The following CADPS variants were observed in gnomAD, a reference collection of about 807,000 sequenced individuals.
The protein encoded by CADPS is calcium dependent secretion activator, also known as calcium-dependent secretion activator 1.
CADPS carries 57 observed loss-of-function variants against 167.3 expected under a neutral mutation model. The ratio of observed to expected loss-of-function variants is 0.34; its 90% CI spans 0.28 to 0.42. The LOEUF is 0.42. CADPS is among the 20% of genes least tolerant of loss of function. CADPS has a pLI of 1.00. For synonymous variants in CADPS, 676 were observed against 635.3 expected (o/e 1.06, Z -0.96); for missense variants, 1,414 against 1,738.1 (o/e 0.81, Z 3.32).
intron 2 of CADPS, among the ~76,000 whole-genome samples, chr3:62,758,668 G>A (rs187733387): frequency 6.6e-6 from 1 of 152,276 alleles, no homozygotes; most frequent in African/African-American, 2.4e-5. Flanking sequence ...TTAACCCCAA[G>A]CCCAGTTCTA....
intron 1 of CADPS, among the ~76,000 whole-genome samples, chr3:62,821,604 G>A (rs967476697): frequency 6.6e-6 from 1 of 152,056 alleles, no homozygotes; most frequent in Non-Finnish European, 1.5e-5. Context: ...TTCTGTGTCT[G>A]TGTCAAAATT....
At chr3:62,577,776 G>T (rs1245754047) in intron 8 of CADPS, among the ~76,000 whole-genome samples, 1 of 152,178 alleles carries the variant, frequency 6.6e-6, no homozygotes, top group African/African-American at 2.4e-5. Context: ...GTCCAGAGGG[G>T]TTAAGAAACT....
chr3:62,722,759 A>C (rs992697773), intron 3 of CADPS, among the ~76,000 whole-genome samples: 1 of 152,196 alleles, frequency 6.6e-6, no homozygotes, highest in Non-Finnish European at 1.5e-5. Context: ...TCCAGCGTAT[A>C]GTTTCTCGAC....
chr3:62,495,471 T>C (rs2064556316), intron 18 of CADPS, among the ~76,000 whole-genome samples: 1 of 152,202 alleles, frequency 6.6e-6, no homozygotes, highest in Middle Eastern at 3.2e-3. Flanking sequence ...TTGAGCTAAC[T>C]CACAATGTTC....
chr3:62,621,258 G>C (rs1379939437), intron 6 of CADPS, among the ~76,000 whole-genome samples: 1 of 152,100 alleles, frequency 6.6e-6, no homozygotes, highest in East Asian at 1.9e-4. Flanking sequence ...AAGTACGGAG[G>C]ATGGGGGAGA....
intron 9 of CADPS, among the ~76,000 whole-genome samples, chr3:62,563,629 T>G (rs1464901315): frequency 6.6e-6 from 1 of 152,200 alleles, no homozygotes; most frequent in Non-Finnish European, 1.5e-5. Flanking sequence ...GAGATTTTGG[T>G]GAACCCATCT....
intron 7 of CADPS, among the ~76,000 whole-genome samples, chr3:62,590,336 A>T (rs1259678846): frequency 2.6e-5 from 4 of 152,164 alleles, no homozygotes; most frequent in Non-Finnish European, 5.9e-5. Flanking sequence ...GTGATTCTTA[A>T]CATCTGCCTT....
At chr3:62,435,490 T>C (rs927628788) in intron 28 of CADPS, among the ~76,000 whole-genome samples, 1 of 152,178 alleles carries the variant, frequency 6.6e-6, no homozygotes, top group African/African-American at 2.4e-5. Context: ...TTCGAGAAGC[T>C]CTGGGTTTTT....
rs150525596 is a variant in CADPS at position 62,753,707 on chromosome 3, G to A, written c.622C>T (p.Arg208Trp). 5 of 1,613,926 alleles carry A rather than the reference G, an allele frequency of 3.1e-6. No individual in the cohort carries two copies. The highest frequency in any genetic ancestry group is 2.2e-5 in the East Asian group (1 of 44,888). Reference sequence around the variant, plus strand: ...TCAATGTGCTTCTTGAAGACCTCCCGGGAGTCGTTGGCGGAACAGCCTCCA... The same window carrying A: ...TCAATGTGCTTCTTGAAGACCTCCCAGGAGTCGTTGGCGGAACAGCCTCCA... ...QSGGCSANDS[R>W]EVFKKHIEKR... is the part of the protein sequence containing the mutation. The change falls in exon 3 of 30, where the codon CGG becomes TGG. Residue 208 changes from arginine (R) to tryptophan (W), a missense_variant. Around this residue, in one of 6 missense-constraint regions of CADPS, gnomAD observed 522 missense variants for 559.5 expected, o/e 0.93. Coordinates refer to ENST00000383710, the MANE Select transcript of CADPS (RefSeq NM_003716.4). The surrounding 1 kb of genome is among the most constrained non-coding windows in gnomAD (Gnocchi z 4.6).
chr3:62,701,621 A>AAG (rs1491034561), intron 3 of CADPS, among the ~76,000 whole-genome samples: 1 of 131,934 alleles, frequency 7.6e-6, no homozygotes. Context: ...AAAAAAAAAA[A>AAG]AGAAAGAAAG....
intron 5 of CADPS, among the ~76,000 whole-genome samples, chr3:62,647,624 T>C (rs1237339657): frequency 6.6e-6 from 1 of 152,192 alleles, no homozygotes; most frequent in Non-Finnish European, 1.5e-5. Context: ...CCCGTGGCTG[T>C]TGTGTGAGGA....
intron 3 of CADPS, among the ~76,000 whole-genome samples, chr3:62,685,681 T>C (rs969150325): frequency 5.9e-5 from 5 of 85,356 alleles, no homozygotes; most frequent in African/African-American, 2.4e-4. Flanking sequence ...AATTTTTTCA[T>C]CGGGGGGGTG....
At chr3:62,547,407 T>A (rs2076623006) in intron 11 of CADPS, among the ~76,000 whole-genome samples, 1 of 152,258 alleles carries the variant, frequency 6.6e-6, no homozygotes, top group South Asian at 2.1e-4. Flanking sequence ...ACCTGGTAGA[T>A]GTAGCAGGGC....
At position 62,575,684 on chromosome 3, in the gene CADPS, A is replaced by G. The variant is rs549847608; in HGVS notation, c.1578-4746T>C. 8.5e-5 allele frequency among the ~76,000 whole-genome samples: 13 copies of G among 152,302 alleles called. 1 individual carries two copies. In the South Asian group the frequency reaches 2.7e-3, roughly 32 times the overall value. ...ATTAAACTCAAAACAGCCTAACTCT[A>G]AAGCACCCTCTTCTTCACACTCTTC... On this transcript the variant is annotated intron_variant, in intron 8 of 29. Transcript: ENST00000383710.
At chr3:62,699,933 A>G (rs1171624461) in intron 3 of CADPS, among the ~76,000 whole-genome samples, 1 of 152,100 alleles carries the variant, frequency 6.6e-6, no homozygotes, top group African/African-American at 2.4e-5. Flanking sequence ...TTTGTGCTAT[A>G]AAAGCAGAGC....
intron 6 of CADPS, among the ~76,000 whole-genome samples, chr3:62,621,895 T>C (rs989826621): frequency 8.1e-5 from 2 of 24,754 alleles, no homozygotes; most frequent in Non-Finnish European, 3.3e-4. Flanking sequence ...TCCTACTTAC[T>C]TCTTTTTTTT....
chr3:62,650,924 C>G lies in CADPS; in HGVS notation c.1126G>C (p.Ala376Pro). The G allele has an allele frequency of 6.2e-7, 1 of 1,614,098 alleles. No individual in the cohort carries two copies. Among genetic ancestry groups the G allele is most frequent in the Non-Finnish European group, 8.5e-7 (1 of 1,179,978 alleles). The change falls in exon 5 of 30, where the codon GCT (alanine) becomes CCT (proline). Residue 376 changes from alanine to proline, a missense_variant. This residue lies in a region of CADPS where 522 missense variants were observed against 559.5 expected (regional missense o/e 0.93). Transcript: ENST00000383710. ...KLQKLKRSHN[A>P]SIIDMGEESE... ...TCCTCGCCCATGTCGATGATGGAAG[C>G]ATTGTGGCTGCGTTTGAGTTTCTGG...
At position 62,474,327 on chromosome 3, in the gene CADPS, A is replaced by G; in HGVS notation, c.3330-7T>C. The stretch of plus-strand genomic sequence containing the variant: ...TTCAAATGCAATCCTGGTTCTATTA[A>G]AACAAAGTAGGAAAAGACCAATTCA... On this transcript the variant is annotated splice_polypyrimidine_tract_variant and splice_region_variant and intron_variant, in intron 23 of 29. Coordinates refer to ENST00000383710, the MANE Select transcript of CADPS (RefSeq NM_003716.4). 6.2e-7 allele frequency: 1 copy of G among 1,612,962 alleles called. No homozygotes were observed. The highest frequency in any genetic ancestry group is 8.5e-7 in the Non-Finnish European group (1 of 1,179,668).
intron 3 of CADPS, among the ~76,000 whole-genome samples, chr3:62,715,266 T>C (rs2048064): frequency 0.64 from 97,535 of 151,786 alleles, 31,720 homozygotes; most frequent in East Asian, 0.77. Flanking sequence ...ACATGTGAGG[T>C]ATTTAGCCAG....
Sources: allele counts gnomAD v4.1 joint callset (sites outside exome capture counted in the v4.1 genomes callset), GRCh38; gene constraint gnomAD v4.1.1; regional missense constraint gnomAD v4.1.1; non-coding constraint Gnocchi (gnomAD v3.1); transcripts MANE v1.5; gene names NCBI Gene and HGNC (gene_info 2026-07-23, HGNC 2026-07-21).